The following KLHL2 variants were observed in gnomAD, a reference collection of about 807,000 sequenced individuals.
KLHL2 encodes kelch like family member 2.
Under a neutral mutation model 75.8 loss-of-function variants are expected in KLHL2, and 15 were observed. The observed-to-expected ratio is 0.20, with a 90% confidence interval of 0.13 to 0.30. The LOEUF is 0.30. Ranked by LOEUF, KLHL2 falls within the 10% of genes least tolerant of loss-of-function variation. The pLI is 1.00. For synonymous variants in KLHL2, 214 were observed against 251.9 expected (o/e 0.85, Z 1.42); for missense variants, 381 against 741.0 (o/e 0.51, Z 5.64).
chr4:165,219,896 G>A (rs760669479), intron 1 of KLHL2, 38 bp from the exon 2 acceptor site: 11 of 1,573,310 alleles, frequency 7.0e-6, no homozygotes, highest in Non-Finnish European at 9.4e-6. Context: ...TCTTTAATAA[G>A]ATCTTTTTCT....
chr4:165,216,602 C>G (rs1737556834), intron 1 of KLHL2, among the ~76,000 whole-genome samples: 1 of 152,112 alleles, frequency 6.6e-6, no homozygotes. Context: ...AAGGGTAAAC[C>G]TTTACCTCTC....
chr4:165,254,977 A>G (rs1184382579), intron 4 of KLHL2, among the ~76,000 whole-genome samples: 4 of 152,238 alleles, frequency 2.6e-5, no homozygotes, highest in African/African-American at 9.6e-5. Flanking sequence ...CTGATGTGCT[A>G]CATGGTCATT....
chr4:165,228,993 T>G (rs1738671312), intron 3 of KLHL2, 80 bp downstream of exon 3: 2 of 764,448 alleles, frequency 2.6e-6, no homozygotes, highest in Non-Finnish European at 4.3e-6. Flanking sequence ...CTTTTGTTAT[T>G]GACATTTTAC....
intron 3 of KLHL2, 128 bp from the exon 4 acceptor site, chr4:165,238,649 CA>C (rs1470863628): frequency 6.6e-7 from 1 of 1,524,258 alleles, no homozygotes; most frequent in South Asian, 1.3e-5. Context: ...TTTCGGCCTG[CA>C]AAAAGTGGCT....
chr4:165,268,730 C>T (rs1174394389), intron 5 of KLHL2, among the ~76,000 whole-genome samples: 1 of 152,156 alleles, frequency 6.6e-6, no homozygotes, highest in Non-Finnish European at 1.5e-5. Flanking sequence ...GCTTTACTTC[C>T]AATTATGTGG....
At chr4:165,295,186 G>C (rs1280655875) in intron 6 of KLHL2, among the ~76,000 whole-genome samples, 1 of 152,106 alleles carries the variant, frequency 6.6e-6, no homozygotes, top group Admixed American at 6.5e-5. Flanking sequence ...GGTGGGTTTT[G>C]TAGCACACGG....
intron 4 of KLHL2, among the ~76,000 whole-genome samples, chr4:165,243,890 A>G (rs1305635731): frequency 6.6e-6 from 1 of 152,254 alleles, no homozygotes; most frequent in Non-Finnish European, 1.5e-5. Flanking sequence ...GGAAATCACC[A>G]AAACAGAATA....
Position 165,207,698 on chromosome 4 carries a change from G to C in KLHL2, c.-179G>C, listed in dbSNP as rs893863272. 4.6e-6 allele frequency: 1 copy of C among 217,048 alleles called. No homozygotes were observed. Among genetic ancestry groups the C allele is most frequent in the Non-Finnish European group, 8.4e-6 (1 of 118,934 alleles). 13.4% of individuals were successfully genotyped at this position (217,048 alleles called of 1,614,324 possible). On this transcript the variant is annotated 5_prime_UTR_variant, in exon 1 of 15. Transcript: ENST00000226725. This position sits in a 1 kb window ranked among gnomAD's most constrained non-coding sequence, Gnocchi z 4.2. ...CAGTAGACGGAGCGCGCCCGGCCGA[G>C]CGGGCCATGGCCGCGGGGGCCGCCG...
At chr4:165,292,274 AT>A (rs1349025044) in intron 5 of KLHL2, among the ~76,000 whole-genome samples, 1 of 152,120 alleles carries the variant, frequency 6.6e-6, no homozygotes, top group Non-Finnish European at 1.5e-5. Flanking sequence ...GTTTCAAAAA[AT>A]TTTGTAAATA....
chr4:165,296,956 A>G (rs1744960391), intron 6 of KLHL2, among the ~76,000 whole-genome samples: 1 of 152,174 alleles, frequency 6.6e-6, no homozygotes, highest in African/African-American at 2.4e-5. Flanking sequence ...AAGGTTGCCA[A>G]AATGTAAGCT....
At chr4:165,281,947 A>G (rs1478336322) in intron 5 of KLHL2, among the ~76,000 whole-genome samples, 1 of 152,184 alleles carries the variant, frequency 6.6e-6, no homozygotes, top group Non-Finnish European at 1.5e-5. Flanking sequence ...CAGTATAACT[A>G]TGTTGGGCTT....
Position 165,305,622 on chromosome 4 carries a change from T to G in KLHL2, c.936T>G (p.Val312=), listed in dbSNP as rs1344760560. The G allele has an allele frequency of 6.2e-7, 1 of 1,613,950 alleles. No homozygotes were observed. Among genetic ancestry groups the G allele is most frequent in the Non-Finnish European group, 8.5e-7 (1 of 1,179,900 alleles). Residue 312 remains valine, a synonymous_variant, in exon 9 of 15, where the codon GTT becomes GTG. Coordinates refer to ENST00000226725, the MANE Select transcript of KLHL2 (RefSeq NM_007246.4). ...TGCCCTTGTAGTTGATGGTGGTGGT[T>G]GGGGGCCAAGCACCAAAGGCTATCC... ...PMNLPKLMVV[V]GGQAPKAIRS...
At chr4:165,302,670 G>T (rs7662569) in intron 8 of KLHL2, among the ~76,000 whole-genome samples, 71,727 of 151,654 alleles carry the variant, frequency 0.47, 17,844 homozygotes, top group African/African-American at 0.61. Flanking sequence ...TTTTTATAAG[G>T]GCTGTCATAT....
chr4:165,279,128 G>A, intron 5 of KLHL2: 1 of 1,601,286 alleles, frequency 6.2e-7, no homozygotes, highest in Non-Finnish European at 8.6e-7. Context: ...CCCAAAAAGA[G>A]CTCGTTTTTC....
intron 5 of KLHL2, among the ~76,000 whole-genome samples, chr4:165,291,990 C>T (rs886268083): frequency 3.3e-5 from 5 of 152,142 alleles, no homozygotes; most frequent in East Asian, 1.9e-4. Context: ...CCACTGTGCT[C>T]GGTGTCCCAT....
At chr4:165,278,580 A>G (rs1437525168) in intron 5 of KLHL2, 4 of 1,606,852 alleles carry the variant, frequency 2.5e-6, no homozygotes, top group Non-Finnish European at 2.6e-6. Context: ...TAGCAGCCAT[A>G]AGAAGTACCT....
chr4:165,260,099 C>A (rs1741526786), intron 4 of KLHL2, among the ~76,000 whole-genome samples: 1 of 152,122 alleles, frequency 6.6e-6, no homozygotes, highest in Non-Finnish European at 1.5e-5. Context: ...TTATCAGTGA[C>A]TGATGGTCAC....
intron 5 of KLHL2, among the ~76,000 whole-genome samples, chr4:165,291,884 C>T (rs986970074): frequency 3.3e-5 from 5 of 151,954 alleles, no homozygotes; most frequent in African/African-American, 1.2e-4. Flanking sequence ...GGCTGGAGAG[C>T]AGTGGTGTGA....
At chr4:165,277,667 A>T (rs1743232507) in intron 5 of KLHL2, 1 of 476,638 alleles carries the variant, frequency 2.1e-6, no homozygotes, top group Non-Finnish European at 3.8e-6. Context: ...TACATCTTAG[A>T]GGGAATGGAG....
Sources: allele counts gnomAD v4.1 joint callset (sites outside exome capture counted in the v4.1 genomes callset), GRCh38; gene constraint gnomAD v4.1.1; non-coding constraint Gnocchi (gnomAD v3.1); transcripts MANE v1.5; gene names NCBI Gene and HGNC (gene_info 2026-07-23, HGNC 2026-07-21).